PCDH12: variants seen among roughly 807,000 people sequenced by gnomAD.
PCDH12 encodes protocadherin 12.
In PCDH12, 45 loss-of-function variants were observed where a neutral mutation model predicts 70.9. The observed-to-expected ratio is 0.63, with a 90% CI of 0.50 to 0.81. The LOEUF (loss-of-function observed/expected upper bound fraction) is 0.81. PCDH12 is among the 40% of genes least tolerant of loss of function. PCDH12 has a pLI of 0.00. For synonymous variants in PCDH12, 567 were observed against 626.0 expected, an observed-to-expected ratio of 0.91 and a Z score of 1.41; for missense variants, 1,370 against 1,491.7, an observed-to-expected ratio of 0.92 and a Z score of 1.34.
At chr5:141,950,046 T>C (rs164084) in intron 2 of PCDH12, among the ~76,000 whole-genome samples, 95,453 of 152,134 alleles carry the variant, frequency 0.63, 31,293 homozygotes, top group East Asian at 0.82. Context: ...CCTGCTCCCT[T>C]ACTGATGCTC....
rs572400731 is a variant in PCDH12 at position 141,956,633 on chromosome 5, C to A, written c.1219G>T (p.Gly407Cys). ...LGHFRLKRTN[G>C]NTYMLLTNAT... Reference sequence around the variant, plus strand: ...TTGGTTAGCAACATGTATGTGTTGCCATTAGTTCTTTTCAGCCTGAAGTGG... The same window carrying A: ...TTGGTTAGCAACATGTATGTGTTGCAATTAGTTCTTTTCAGCCTGAAGTGG... The change falls in exon 1 of 4, where the codon GGC becomes TGC. Residue 407 changes from glycine to cysteine, a missense_variant. Coordinates refer to ENST00000231484, the MANE Select transcript of PCDH12 (RefSeq NM_016580.4). 249 of 1,614,152 alleles carry A rather than the reference C, an allele frequency of 1.5e-4. 4 individuals are homozygous for A. The South Asian group carries it at 2.4e-3, about 16-fold the overall frequency.
rs747129522 is a variant in PCDH12, at chr5:141,956,562, C to G, written c.1290G>C (p.Leu430=). 1.1e-5 allele frequency: 18 copies of G among 1,614,182 alleles called. No homozygotes were observed. Among genetic ancestry groups the G allele is most frequent in the Non-Finnish European group, 1.5e-5 (18 of 1,180,042 alleles). ...REQWPKYTLT[L]LAQDQGLQPL... Reference sequence around the variant, plus strand: ...GCTGGAGTCCTTGGTCTTGGGCTAACAGAGTGAGGGTATATTTGGGCCACT... The same window carrying G: ...GCTGGAGTCCTTGGTCTTGGGCTAAGAGAGTGAGGGTATATTTGGGCCACT... The change falls in exon 1 of 4, where the codon CTG becomes CTC. Residue 430 remains leucine, a synonymous_variant. Coordinates refer to ENST00000231484, the MANE Select transcript of PCDH12 (RefSeq NM_016580.4).
chr5:141,945,946 G>T, intron 3 of PCDH12, 141 bp from the exon 4 acceptor site: 1 of 765,506 alleles, frequency 1.3e-6, no homozygotes, highest in Non-Finnish European at 2.1e-6. Flanking sequence ...GGCCAGACGG[G>T]GACAGGAAGG....
chr5:141,949,794 C>T (rs1412414544), intron 2 of PCDH12, among the ~76,000 whole-genome samples: 4 of 152,176 alleles, frequency 2.6e-5, no homozygotes, highest in Admixed American at 1.3e-4. Context: ...TAACACCCAC[C>T]TCACAGGGTG....
chr5:141,951,721 G>T (rs1188013674), intron 1 of PCDH12, 131 bp from the exon 2 acceptor site: 5 of 704,000 alleles, frequency 7.1e-6, no homozygotes, highest in Non-Finnish European at 1.3e-5. Flanking sequence ...TGTGTGATCA[G>T]ATGGGGGATG....
chr5:141,945,789 C>G lies in PCDH12; in HGVS notation c.3147G>C (p.Arg1049=). The part of the protein sequence containing the change: ...LDPSTGLALD[R]LSAPDPAWMA... ...TCCAGGCCGGGTCAGGGGCGCTCAG[C>G]CGGTCCAGGGCCAGACCTGTGGGGG... The change falls in exon 4 of 4, where the codon CGG becomes CGC. Residue 1049 remains arginine, a synonymous_variant. Coordinates refer to ENST00000231484, the MANE Select transcript of PCDH12 (RefSeq NM_016580.4). 5 of 1,612,290 alleles carry G rather than the reference C, an allele frequency of 3.1e-6. No homozygotes were observed. The Middle Eastern group carries it at 8.8e-4, about 285-fold the overall frequency.
At chr5:141,954,246 G>A (rs185838961) in intron 1 of PCDH12, among the ~76,000 whole-genome samples, 4 of 152,286 alleles carry the variant, frequency 2.6e-5, no homozygotes, top group Admixed American at 6.5e-5. Context: ...TGCCCCATCC[G>A]CAGGCCCAGC....
At chr5:141,950,475 G>A (rs537272073) in intron 2 of PCDH12, among the ~76,000 whole-genome samples, 50 of 152,326 alleles carry the variant, frequency 3.3e-4, no homozygotes, top group African/African-American at 1.1e-3. Context: ...CAAGGTCCAT[G>A]CACCGTCTTA....
rs148826621 is a variant in PCDH12, at chr5:141,945,481, G to A, written c.3455C>T (p.Thr1152Ile). 19 of 1,613,244 alleles carry A rather than the reference G, an allele frequency of 1.2e-5. No individual in the cohort carries two copies. The highest frequency in any genetic ancestry group is 8.0e-5 in the African/African-American group (6 of 74,926). Reference sequence around the variant, plus strand: ...CACTTTCATGCCTGAGGCTGCACTGGTGGCCAAGTCTAAACTGAGGGTCCT... The same window carrying A: ...CACTTTCATGCCTGAGGCTGCACTGATGGCCAAGTCTAAACTGAGGGTCCT... ...CGRTLSLDLA[T>I]SAASGMKVQG... The change falls in exon 4 of 4, where the codon ACC (threonine) becomes ATC (isoleucine). Residue 1152 changes from threonine (T) to isoleucine (I), a missense_variant. Physicochemically the swap from Thr to Ile is moderately conservative, Grantham distance 89. Coordinates refer to ENST00000231484, the MANE Select transcript of PCDH12 (RefSeq NM_016580.4).
intron 3 of PCDH12, among the ~76,000 whole-genome samples, chr5:141,946,909 A>C (rs1752948899): frequency 6.6e-6 from 1 of 152,190 alleles, no homozygotes; most frequent in Non-Finnish European, 1.5e-5. Flanking sequence ...AAATTAAAAA[A>C]AAAAAAAAAA....
chr5:141,947,071 A>G (rs748565484), intron 3 of PCDH12, among the ~76,000 whole-genome samples: 2 of 152,314 alleles, frequency 1.3e-5, no homozygotes, highest in South Asian at 2.1e-4. Context: ...TTGTTTATCT[A>G]TGTTTTTCTA....
chr5:141,945,370 C>T lies in PCDH12; in HGVS notation c.*11G>A, dbSNP rs1752881367. 4 of 1,598,456 alleles carry T rather than the reference C, an allele frequency of 2.5e-6. No homozygotes were observed. Among genetic ancestry groups the T allele is most frequent in the Non-Finnish European group, 2.6e-6 (3 of 1,172,366 alleles). ...CCCTGGTTCTTGGATCCAGAGGCGT[C>T]TGAGGTATGTTCACAGGCACCTGCT... On this transcript the variant is annotated 3_prime_UTR_variant, in exon 4 of 4. Transcript: ENST00000231484.
intron 3 of PCDH12, among the ~76,000 whole-genome samples, chr5:141,946,057 A>C (rs1752917087): frequency 6.6e-6 from 1 of 152,166 alleles, no homozygotes; most frequent in Non-Finnish European, 1.5e-5. Flanking sequence ...AAGGCCTAGA[A>C]GTAGAAATTT....
Position 141,957,598 on chromosome 5 carries a change from A to G in PCDH12, c.254T>C (p.Leu85Ser). The change falls in exon 1 of 4, where the codon TTG becomes TCG. Residue 85 changes from leucine (L) to serine (S), a missense_variant. Leu to Ser is a moderately radical substitution (Grantham distance 145, BLOSUM62 -2). Coordinates refer to ENST00000231484, the MANE Select transcript of PCDH12 (RefSeq NM_016580.4). This position sits in a 1 kb window ranked among gnomAD's most constrained non-coding sequence, Gnocchi z 4.3. ...ATCCAGCCGCCTGCCTGTGCTGAGC[A>G]AGCCTTCCTCAGAGTCCACCTGAAT... ...LPIQVDSEEG[L>S]LSTGRRLDRE... 6.2e-7 allele frequency: 1 copy of G among 1,614,184 alleles called. No individual in the cohort carries two copies. The highest frequency in any genetic ancestry group is 8.5e-7 in the Non-Finnish European group (1 of 1,180,026).
chr5:141,951,667 G>T, intron 1 of PCDH12, 77 bp from the exon 2 acceptor site: 2 of 1,037,040 alleles, frequency 1.9e-6, no homozygotes, highest in Non-Finnish European at 1.5e-6. Flanking sequence ...TTCCCTCAAT[G>T]CCGGTGCTTT....
chr5:141,956,396 C>T lies in PCDH12; in HGVS notation c.1456G>A (p.Asp486Asn). Residue 486 changes from aspartate (D) to asparagine (N), a missense_variant, in exon 1 of 4, where the codon GAT becomes AAT. Coordinates refer to ENST00000231484, the MANE Select transcript of PCDH12 (RefSeq NM_016580.4). ...SLHLITIKAH[D>N]ADLGINGKVS... Reference sequence around the variant, plus strand: ...TTTCCATTAATGCCCAAGTCTGCATCATGAGCCTTGATGGTAATGAGGTGA... The same window carrying T: ...TTTCCATTAATGCCCAAGTCTGCATTATGAGCCTTGATGGTAATGAGGTGA... 1.2e-6 allele frequency: 2 copies of T among 1,614,234 alleles called. No homozygotes were observed. The highest frequency in any genetic ancestry group is 1.7e-6 in the Non-Finnish European group (2 of 1,180,040).
At position 141,956,050 on chromosome 5, in the gene PCDH12, G is replaced by T. The variant is rs777187592; in HGVS notation, c.1802C>A (p.Ala601Glu). Residue 601 changes from alanine (A) to glutamate (E), a missense_variant, in exon 1 of 4, where the codon GCG becomes GAG. Transcript: ENST00000231484. ...PIETPNGLGP[A>E]GTDTPPLATH... ...GGCCAGTGGAGGTGTGTCAGTGCCC[G>T]CTGGGCCCAAGCCATTGGGAGTCTC... is the stretch of plus-strand genomic sequence containing the variant. The T allele has an allele frequency of 5.0e-6, 8 of 1,614,096 alleles. No individual in the cohort carries two copies. In the South Asian group the frequency reaches 7.7e-5, roughly 16 times the overall value.
In PCDH12 at chr5:141,945,502, G is replaced by A. The variant is rs1191957458; in HGVS notation, c.3434C>T (p.Thr1145Ile). The A allele has an allele frequency of 1.2e-6, 2 of 1,613,630 alleles. No homozygotes were observed. Among genetic ancestry groups the A allele is most frequent in the Non-Finnish European group, 1.7e-6 (2 of 1,179,842 alleles). ...ALRRLSVCGRTLSLDLATSAA... is the reference protein window; with the variant it reads ...ALRRLSVCGRILSLDLATSAA... The stretch of plus-strand genomic sequence containing the variant: ...ACTGGTGGCCAAGTCTAAACTGAGG[G>A]TCCTCCCGCAGACCGAGAGCCGCCG... Residue 1145 changes from threonine to isoleucine, a missense_variant, in exon 4 of 4, where the codon ACC (threonine) becomes ATC (isoleucine). Transcript: ENST00000231484.
chr5:141,957,525 A>T lies in PCDH12; in HGVS notation c.327T>A (p.Asp109Glu). The change falls in exon 1 of 4, where the codon GAT becomes GAA. Residue 109 changes from aspartate (D) to glutamate (E), a missense_variant. Asp to Glu is a conservative substitution (Grantham distance 45). Coordinates refer to ENST00000231484, the MANE Select transcript of PCDH12 (RefSeq NM_016580.4). This position sits in a 1 kb window ranked among gnomAD's most constrained non-coding sequence, Gnocchi z 4.3. Reference protein sequence around the residue: ...RQWDPCLVSFDVLATGDLALI... With the variant: ...RQWDPCLVSFEVLATGDLALI... ...GAGCCAAATCCCCTGTGGCAAGCAC[A>T]TCAAAGGAAACCAGGCAGGGATCCC... 1 of 1,614,194 alleles carries T rather than the reference A, an allele frequency of 6.2e-7. No individual in the cohort carries two copies. Among genetic ancestry groups the T allele is most frequent in the Non-Finnish European group, 8.5e-7 (1 of 1,180,038 alleles).
Sources: gnomAD v4.1 joint callset for allele counts (sites outside exome capture counted in the v4.1 genomes callset) on GRCh38, gnomAD v4.1.1 for gene constraint, Gnocchi (gnomAD v3.1) non-coding constraint, MANE v1.5 for transcripts, NCBI Gene and HGNC (gene_info 2026-07-23, HGNC 2026-07-21) for gene names.